GULP1: variants seen among roughly 807,000 people sequenced by gnomAD.
The protein encoded by GULP1 is GULP PTB domain containing engulfment adaptor 1.
A neutral mutation model predicts 40.9 loss-of-function variants in GULP1; 19 were observed. That is an observed-to-expected ratio of 0.46 (90% confidence interval 0.32 to 0.68). The LOEUF (loss-of-function observed/expected upper bound fraction) is 0.68, where lower values mean the gene tolerates loss of function less well. GULP1 is among the 30% of genes least tolerant of loss of function. The pLI is 0.03. For missense variants in GULP1, 312 were observed against 362.2 expected (o/e 0.86, Z 1.12); for synonymous variants, 119 against 117.6 (o/e 1.01, Z -0.08).
At chr2:188,465,894 C>T (rs949072677) in intron 2 of GULP1, among the ~76,000 whole-genome samples, 8 of 151,926 alleles carry the variant, frequency 5.3e-5, no homozygotes, top group African/African-American at 1.5e-4. Context: ...TGCCTCTTTC[C>T]GTGGTATGAA....
chr2:188,484,089 G>A (rs888426592), intron 4 of GULP1, among the ~76,000 whole-genome samples: 2 of 151,942 alleles, frequency 1.3e-5, no homozygotes, highest in Non-Finnish European at 1.5e-5. Context: ...ATGCTTTTTA[G>A]AAGAGACGGG....
At chr2:188,457,840 T>C (rs897784168) in intron 2 of GULP1, among the ~76,000 whole-genome samples, 1 of 152,182 alleles carries the variant, frequency 6.6e-6, no homozygotes, top group Non-Finnish European at 1.5e-5. Context: ...ATGCATTCCC[T>C]CATACAACCA....
At chr2:188,561,159 C>T (rs1003599114) in intron 7 of GULP1, among the ~76,000 whole-genome samples, 1 of 152,108 alleles carries the variant, frequency 6.6e-6, no homozygotes, top group Admixed American at 6.6e-5. Context: ...AAGCCCCAGT[C>T]GTGGCAACAG....
intron 2 of GULP1, among the ~76,000 whole-genome samples, chr2:188,419,419 C>T (rs2055056482): frequency 6.6e-6 from 1 of 151,934 alleles, no homozygotes; most frequent in African/African-American, 2.4e-5. Context: ...GGTGATATCT[C>T]GTGGTTTTGA....
At chr2:188,389,800 C>T (rs1310347223) in intron 2 of GULP1, among the ~76,000 whole-genome samples, 1 of 152,080 alleles carries the variant, frequency 6.6e-6, no homozygotes, top group African/African-American at 2.4e-5. Flanking sequence ...TATCCAGAGT[C>T]TCCAAAGTCT....
intron 1 of GULP1, among the ~76,000 whole-genome samples, chr2:188,310,584 A>C (rs1164338061): frequency 1.5e-4 from 23 of 152,144 alleles, no homozygotes; most frequent in Admixed American, 1.5e-3. Flanking sequence ...TGTATTTTTG[A>C]GTTTGAGGTG....
At chr2:188,390,003 G>A (rs112611850) in intron 2 of GULP1, among the ~76,000 whole-genome samples, 75 of 150,888 alleles carry the variant, frequency 5.0e-4, no homozygotes, top group African/African-American at 1.8e-3. Flanking sequence ...TGTACATATA[G>A]CACGTTTTCT....
At chr2:188,472,463 T>C (rs1280360933) in intron 2 of GULP1, among the ~76,000 whole-genome samples, 12 of 152,170 alleles carry the variant, frequency 7.9e-5, no homozygotes, top group Non-Finnish European at 1.8e-4. Flanking sequence ...CTTCATTCTT[T>C]TTAATTCTTT....
Position 188,545,627 on chromosome 2 carries a change from G to A in GULP1, c.399+4309G>A, listed in dbSNP as rs530652583. On this transcript the variant is annotated intron_variant, in intron 7 of 11. Transcript: ENST00000409830. ...ACTATAGAGAAATTAAAATGTTATC[G>A]TTTTAAAAGCCCATAGAGATGCAAT... is the stretch of plus-strand genomic sequence containing the variant. Among the ~76,000 whole-genome samples the A allele has an allele frequency of 2.2e-3, 336 of 151,746 alleles. 1 individual carries two copies. Among genetic ancestry groups the A allele is most frequent in the South Asian group, 0.012 (60 of 4,810 alleles).
chr2:188,389,418 C>A (rs1004510083), intron 2 of GULP1, among the ~76,000 whole-genome samples: 1 of 151,918 alleles, frequency 6.6e-6, no homozygotes, highest in Non-Finnish European at 1.5e-5. Context: ...AAATAAAAGA[C>A]CTGATTTCAT....
chr2:188,448,128 G>C (rs1302759895), intron 2 of GULP1, among the ~76,000 whole-genome samples: 1 of 152,206 alleles, frequency 6.6e-6, no homozygotes, highest in African/African-American at 2.4e-5. Flanking sequence ...ATGGAAGTTT[G>C]ATCACTTGTG....
intron 2 of GULP1, among the ~76,000 whole-genome samples, chr2:188,419,581 A>T (rs2055085987): frequency 6.6e-6 from 1 of 151,116 alleles, no homozygotes; most frequent in Non-Finnish European, 1.5e-5. Context: ...ATTGAGTTAT[A>T]GGAGTTCTTT....
chr2:188,399,992 G>C (rs2051970872), intron 2 of GULP1, among the ~76,000 whole-genome samples: 1 of 152,042 alleles, frequency 6.6e-6, no homozygotes, highest in Non-Finnish European at 1.5e-5. Context: ...CTAATATATT[G>C]CAATAAGTCT....
intron 2 of GULP1, among the ~76,000 whole-genome samples, chr2:188,414,876 A>G (rs1378626989): frequency 6.6e-6 from 1 of 152,122 alleles, no homozygotes; most frequent in African/African-American, 2.4e-5. Context: ...CTGCCTGGCT[A>G]TTTTATAATT....
chr2:188,376,469 G>A (rs1015203242), intron 1 of GULP1, among the ~76,000 whole-genome samples: 8 of 152,102 alleles, frequency 5.3e-5, no homozygotes. Flanking sequence ...TGAACAGTTG[G>A]TTACCTGTAA....
At chr2:188,547,444 G>A (rs1018037036) in intron 7 of GULP1, among the ~76,000 whole-genome samples, 5 of 152,112 alleles carry the variant, frequency 3.3e-5, no homozygotes, top group African/African-American at 7.2e-5. Flanking sequence ...AAGCTGAGGA[G>A]CAAGGAAGCC....
At chr2:188,482,078 A>G (rs2061487095) in intron 3 of GULP1, among the ~76,000 whole-genome samples, 1 of 151,922 alleles carries the variant, frequency 6.6e-6, no homozygotes, top group Admixed American at 6.6e-5. Flanking sequence ...TCACCCAAGT[A>G]TGGCTATCAT....
intron 4 of GULP1, among the ~76,000 whole-genome samples, chr2:188,498,617 A>G (rs1227816984): frequency 6.6e-6 from 1 of 151,872 alleles, no homozygotes; most frequent in Admixed American, 6.6e-5. Context: ...CTATCCTCAA[A>G]GGAAAAGATG....
At chr2:188,293,276 A>G (rs1043046353) in intron 1 of GULP1, 2 of 152,204 alleles carry the variant, frequency 1.3e-5, no homozygotes, top group African/African-American at 4.8e-5. Context: ...GACATTTTAC[A>G]TGCACTATTT....
Sources: gnomAD v4.1 joint callset for allele counts (sites outside exome capture counted in the v4.1 genomes callset) on GRCh38, gnomAD v4.1.1 for gene constraint, MANE v1.5 for transcripts, NCBI Gene and HGNC (gene_info 2026-07-23, HGNC 2026-07-21) for gene names.